PHF20: variants seen among roughly 807,000 people sequenced by gnomAD.
PHF20 encodes the protein PHD finger protein 20.
Under a neutral mutation model 113.5 loss-of-function variants are expected in PHF20, and 23 were observed. That is an observed-to-expected ratio of 0.20 (90% CI 0.15 to 0.29). The LOEUF (loss-of-function observed/expected upper bound fraction) is 0.29. Ranked by LOEUF, PHF20 falls within the 10% of genes least tolerant of loss-of-function variation. The probability of loss-of-function intolerance (pLI) is 1.00; values close to 1 mark genes in which losing one functional copy is unlikely to be tolerated. For missense variants in PHF20, 943 were observed against 1,219.6 expected (o/e 0.77, Z 3.38); for synonymous variants, 434 against 457.3 (o/e 0.95, Z 0.65).
At chr20:35,802,150 A>T (rs750158335) in intron 2 of PHF20, among the ~76,000 whole-genome samples, 3 of 152,068 alleles carry the variant, frequency 2.0e-5, no homozygotes, top group Non-Finnish European at 4.4e-5. Context: ...TGCTTTGTGC[A>T]TTGGCTTATC....
chr20:35,871,179 T>G (rs2146989938), intron 8 of PHF20, 45 bp downstream of exon 8: 2 of 1,448,098 alleles, frequency 1.4e-6, no homozygotes, highest in East Asian at 4.6e-5. Flanking sequence ...CTGGTTCCTA[T>G]TTAGTGAGAA....
chr20:35,836,288 G>A (rs1276315026), intron 2 of PHF20, among the ~76,000 whole-genome samples: 1 of 151,996 alleles, frequency 6.6e-6, no homozygotes, highest in Non-Finnish European at 1.5e-5. Context: ...AAAGTGCTGG[G>A]ATTATAGACA....
chr20:35,937,422 C>T (rs533106162), intron 15 of PHF20, among the ~76,000 whole-genome samples: 35 of 150,826 alleles, frequency 2.3e-4, no homozygotes, highest in Admixed American at 1.1e-3. Flanking sequence ...GAGCCGAGAT[C>T]GCACCATTGC....
At chr20:35,924,115 C>CTTAGCAATTCACAAAGCAATGTGA (rs2055572876) in intron 13 of PHF20, among the ~76,000 whole-genome samples, 1 of 151,916 alleles carries the variant, frequency 6.6e-6, no homozygotes, top group African/African-American at 2.4e-5. Context: ...AGTACATTCA[C>CTTAGCAATTCACAAAGCAATGTGA]ATTGCTTTGC....
intron 2 of PHF20, among the ~76,000 whole-genome samples, chr20:35,813,959 G>GAAAAAAAAAAAAAAA (rs2042022207): frequency 2.9e-5 from 4 of 136,200 alleles, no homozygotes; most frequent in South Asian, 2.3e-4. Context: ...AAAAAAAAAG[G>GAAAAAAAAAAAAAAA]AAATTGACCT....
intron 6 of PHF20, among the ~76,000 whole-genome samples, chr20:35,866,405 C>T (rs2054321639): frequency 1.3e-5 from 2 of 152,006 alleles, no homozygotes; most frequent in African/African-American, 4.8e-5. Context: ...AGCTGTATAC[C>T]ACCCTTAGGA....
rs78000089 is a variant in PHF20, at chr20:35,846,553, C to G, written c.256-797C>G. ...ATGGTTGCTTTCCCTGGCAAAAGAC[C>G]CTTTAGAAGTGTAGATGGCATTAAA... is the stretch of plus-strand genomic sequence containing the variant. On this transcript the variant is annotated intron_variant, in intron 3 of 17. Transcript: ENST00000374012. 4.6e-4 allele frequency among the ~76,000 whole-genome samples: 70 copies of G among 152,252 alleles called. 1 individual carries two copies. The Middle Eastern group carries it at 0.017, about 37-fold the overall frequency.
At chr20:35,873,367 C>CT (rs1376189548) in intron 9 of PHF20, among the ~76,000 whole-genome samples, 1 of 151,534 alleles carries the variant, frequency 6.6e-6, no homozygotes, top group Non-Finnish European at 1.5e-5. Flanking sequence ...TCCCAAAGTG[C>CT]TAGGATTACA....
chr20:35,913,787 C>T (rs544715519), intron 11 of PHF20, among the ~76,000 whole-genome samples: 6 of 152,142 alleles, frequency 3.9e-5, no homozygotes, highest in Admixed American at 2.0e-4. Context: ...TTAAAGGATG[C>T]CACGTTTTAT....
chr20:35,850,504 G>T, intron 4 of PHF20, among the ~76,000 whole-genome samples: 1 of 144,562 alleles, frequency 6.9e-6, no homozygotes, highest in East Asian at 2.0e-4. Flanking sequence ...TATTTTTAAG[G>T]TTTCAAATGT....
At chr20:35,898,831 G>A (rs1250423187) in intron 9 of PHF20, among the ~76,000 whole-genome samples, 3 of 152,102 alleles carry the variant, frequency 2.0e-5, no homozygotes, top group African/African-American at 7.2e-5. Flanking sequence ...GGCTGGTCTC[G>A]AACTCCTGAC....
intron 1 of PHF20, among the ~76,000 whole-genome samples, chr20:35,790,966 C>A (rs1225697143): frequency 6.6e-6 from 1 of 152,110 alleles, no homozygotes; most frequent in African/African-American, 2.4e-5. Context: ...TCGAGCGATT[C>A]TCCTGTCTCA....
intron 4 of PHF20, chr20:35,849,393 C>T (rs2042678937): frequency 8.5e-6 from 4 of 469,054 alleles, no homozygotes; most frequent in Non-Finnish European, 1.8e-5. Flanking sequence ...TGAAGTAAAA[C>T]AAAAGAAGAC....
intron 1 of PHF20, among the ~76,000 whole-genome samples, chr20:35,785,911 C>T (rs1034483746): frequency 6.0e-5 from 9 of 150,858 alleles, no homozygotes; most frequent in Non-Finnish European, 8.8e-5. Context: ...AGGTGCCTGT[C>T]ATCTCAGCTA....
intron 9 of PHF20, chr20:35,878,346 A>G: frequency 5.7e-6 from 2 of 351,428 alleles, no homozygotes; most frequent in Non-Finnish European, 5.1e-6. Context: ...CTATGAGAAT[A>G]GAGAGAAGAA....
Position 35,947,968 on chromosome 20 carries a change from G to A in PHF20, c.*341G>A, listed in dbSNP as rs2147143231. 1 of 207,072 alleles carries A rather than the reference G, an allele frequency of 4.8e-6. No homozygotes were observed. The highest frequency in any genetic ancestry group is 1.1e-4 in the East Asian group (1 of 9,098). The allele number at this position is 207,072 out of a possible 1,614,324, so 12.8% of individuals were successfully genotyped here. A position where few individuals can be genotyped will look rare whatever the true frequency, so the allele number is the denominator to read the frequency against. The stretch of plus-strand genomic sequence containing the variant: ...AGCCAAAAAAGTTTAGTTGGAGACA[G>A]TTGTAAATTCAATTTGGAGTTTATT... On this transcript the variant is annotated 3_prime_UTR_variant, in exon 18 of 18. Coordinates refer to ENST00000374012, the MANE Select transcript of PHF20 (RefSeq NM_016436.5).
chr20:35,924,632 A>G (rs2055590638), intron 13 of PHF20, among the ~76,000 whole-genome samples: 2 of 151,620 alleles, frequency 1.3e-5, no homozygotes. Context: ...TCGCTCTGTC[A>G]CCCAGGCTGG....
intron 6 of PHF20, among the ~76,000 whole-genome samples, chr20:35,867,180 C>A (rs2054333567): frequency 6.6e-6 from 1 of 152,122 alleles, no homozygotes. Flanking sequence ...ATTTGTAGAG[C>A]CTTCCTTGAG....
In PHF20 at chr20:35,848,354, A is replaced by T. The variant is rs143383453; in HGVS notation, c.340+920A>T. Among the ~76,000 whole-genome samples the T allele has an allele frequency of 8.9e-3, 1,348 of 151,686 alleles. 23 individuals carry two copies. The highest frequency in any genetic ancestry group is 0.031 in the African/African-American group (1,290 of 41,334). On this transcript the variant is annotated intron_variant, in intron 4 of 17. Transcript: ENST00000374012. ...GCCAGCTCAGCTCACTGCAACCTCC[A>T]TCTCCTGAGTTCAAGCGATTCTCCT...
Sources: allele counts gnomAD v4.1 joint callset (sites outside exome capture counted in the v4.1 genomes callset), GRCh38; gene constraint gnomAD v4.1.1; transcripts MANE v1.5; gene names NCBI Gene and HGNC (gene_info 2026-07-23, HGNC 2026-07-21).